The following SREBF1 variants were observed in gnomAD, a reference collection of about 807,000 sequenced individuals.
The protein encoded by SREBF1 is sterol regulatory element-binding protein 1.
In SREBF1, 45 loss-of-function variants were observed where a neutral mutation model predicts 100.1. The observed-to-expected ratio is 0.45, with a 90% CI of 0.35 to 0.58. The LOEUF is 0.58. SREBF1 is among the 20% of genes least tolerant of loss of function. SREBF1 has a pLI of 0.00. For missense variants in SREBF1, 1,324 were observed against 1,539.4 expected (o/e 0.86, Z 2.34); for synonymous variants, 657 against 681.8 (o/e 0.96, Z 0.57).
chr17:17,836,645 G>A, intron 1 of SREBF1, 82 bp downstream of exon 1: 3 of 1,383,130 alleles, frequency 2.2e-6, no homozygotes, highest in Admixed American at 2.0e-5. Flanking sequence ...GCCCGTGGGG[G>A]AGACAAAGGC....
chr17:17,819,267 ATG>A (rs72248634), intron 4 of SREBF1, 33 bp from the exon 5 acceptor site: 323 of 1,514,338 alleles, frequency 2.1e-4, no homozygotes, highest in Non-Finnish European at 1.1e-4. Flanking sequence ...CCAGGTGGGC[ATG>A]TGTGTGTGTG....
Position 17,817,698 on chromosome 17 carries a change from T to C in SREBF1, c.1402A>G (p.Lys468Glu). The change falls in exon 7 of 19, where the codon AAG (lysine) becomes GAG (glutamate). Residue 468 changes from lysine to glutamate, a missense_variant and splice_region_variant. Physicochemically the swap from Lys to Glu is moderately conservative, Grantham distance 56. Coordinates refer to ENST00000261646, the MANE Select transcript of SREBF1 (RefSeq NM_004176.5). This position sits in a 1 kb window ranked among gnomAD's most constrained non-coding sequence, Gnocchi z 6.6. ...EPDSPVFEDS[K>E]AKPEQRPSLH... ...GGGGCACCGTGGCAGGGCCCAACCT[T>C]GCTGTCCTCAAAGACTGGGCTGTCA... 1 of 1,613,070 alleles carries C rather than the reference T, an allele frequency of 6.2e-7. No individual in the cohort carries two copies. Among genetic ancestry groups the C allele is most frequent in the Non-Finnish European group, 8.5e-7 (1 of 1,179,896 alleles).
chr17:17,818,408 G>T (rs1442573525), intron 5 of SREBF1, 34 bp from the exon 6 acceptor site: 1 of 1,558,096 alleles, frequency 6.4e-7, no homozygotes. Context: ...GAGCGCACAG[G>T]TGGCCTGTCA....
chr17:17,817,132 G>A lies in SREBF1; in HGVS notation c.1611C>T (p.Gly537=). The A allele has an allele frequency of 6.2e-7, 1 of 1,613,142 alleles. No individual in the cohort carries two copies. Among genetic ancestry groups the A allele is most frequent in the East Asian group, 2.2e-5 (1 of 44,882 alleles). ...GCAGCAGCCACTGGGCCCAGCCAGG[G>A]CCATCTATGGACAGAGGGAAAGCTG... ...RNVLGTESRD[G]PGWAQWLLPP... Residue 537 remains glycine, a synonymous_variant, in exon 9 of 19, where the codon GGC becomes GGT. Transcript: ENST00000261646. The surrounding 1 kb of genome is among the most constrained non-coding windows in gnomAD (Gnocchi z 6.6).
chr17:17,818,598 AGCT>A, intron 5 of SREBF1: 1 of 584,876 alleles, frequency 1.7e-6, no homozygotes. Context: ...GGGTCTGGCT[AGCT>A]GCTGCTGTGC....
intron 1 of SREBF1, among the ~76,000 whole-genome samples, chr17:17,822,450 C>A (rs2034165234): frequency 6.6e-6 from 1 of 152,260 alleles, no homozygotes; most frequent in Non-Finnish European, 1.5e-5. Context: ...AAAGCAAGTG[C>A]TGTCTGTCCT....
chr17:17,816,248 T>C lies in SREBF1; in HGVS notation c.2173A>G (p.Arg725Gly). The change falls in exon 11 of 19, where the codon AGA (arginine) becomes GGA (glycine). Residue 725 changes from arginine (R) to glycine (G), a missense_variant. By Grantham distance (125) the Arg-to-Gly change is moderately radical (BLOSUM62 -2). Coordinates refer to ENST00000261646, the MANE Select transcript of SREBF1 (RefSeq NM_004176.5). Reference sequence around the variant, plus strand: ...GCCCGTGGGAGACTGGTCTTCACTCTCAATGCAGCCGCCACATAGATCTCG... The same window carrying C: ...GCCCGTGGGAGACTGGTCTTCACTCCCAATGCAGCCGCCACATAGATCTCG... ...LAEIYVAAAL[R>G]VKTSLPRALH... The C allele has an allele frequency of 1.8e-6, 2 of 1,119,372 alleles. No homozygotes were observed. The highest frequency in any genetic ancestry group is 4.1e-5 in the African/African-American group (1 of 24,556). 69.3% of individuals were successfully genotyped at this position (1,119,372 alleles called of 1,614,324 possible). A position where few individuals can be genotyped will look rare whatever the true frequency, so the allele number is the denominator to read the frequency against.
intron 3 of SREBF1, 42 bp from the exon 4 acceptor site, chr17:17,819,496 C>A (rs1227223029): frequency 6.2e-7 from 1 of 1,613,414 alleles, no homozygotes; most frequent in South Asian, 1.1e-5. Context: ...TGTGTCTGGG[C>A]TGGGGCTGCC....
Position 17,811,955 on chromosome 17 carries a change from A to AAGTT in SREBF1, c.*663_*666dup, listed in dbSNP as rs543981369. On this transcript the variant is annotated 3_prime_UTR_variant, in exon 19 of 19. Transcript: ENST00000261646. ...TAACAAACAAACATCGGGAAGAGCT[A>AAGTT]AGTTAAAAGTTGTGTACCTTGTGGC... 5.4e-5 allele frequency: 24 copies of AAGTT among 447,654 alleles called. No individual in the cohort carries two copies. The highest frequency in any genetic ancestry group is 3.3e-4 in the South Asian group (21 of 63,100). The allele number at this position is 447,654 out of a possible 1,614,324, so 27.7% of individuals were successfully genotyped here.
intron 1 of SREBF1, among the ~76,000 whole-genome samples, chr17:17,834,680 G>C (rs1048585331): frequency 6.6e-6 from 1 of 152,146 alleles, no homozygotes; most frequent in African/African-American, 2.4e-5. Context: ...CAGTAAGAAA[G>C]GTCTGTATCA....
In SREBF1 at chr17:17,834,298, C is replaced by T. The variant is rs1223410645; in HGVS notation, c.91+2429G>A. ...TAGAGACAGGATTTTGTCATGTTGC[C>T]CAGGCTGGTCTCAAACTCCTGGACA... On this transcript the variant is annotated intron_variant, in intron 1 of 18. Transcript: ENST00000261646. 2.0e-5 allele frequency among the ~76,000 whole-genome samples: 3 copies of T among 152,100 alleles called. No homozygotes were observed. The East Asian group carries it at 5.8e-4, about 29-fold the overall frequency.
intron 11 of SREBF1, 25 bp downstream of exon 11, chr17:17,816,182 G>GCCCCCCCCCCCCCCCCCCCCCCCCCCCCC: frequency 1.2e-5 from 1 of 81,146 alleles, no homozygotes. Flanking sequence ...GCAGGGATAA[G>GCCCCCCCCCCCCCCCCCCCCCCCCCCCCC]CCCCCAGCCC....
Position 17,820,255 on chromosome 17 carries a change from G to A in SREBF1, c.358C>T (p.Pro120Ser). ...GGCACTGACTCTTCCTTGATACCAG[G>A]CCCAGGGGAGAAAGCGGGCATGGAC... Reference protein sequence around the residue: ...YPSMPAFSPGPGIKEESVPLS... With the variant: ...YPSMPAFSPGSGIKEESVPLS... The change falls in exon 2 of 19, where the codon CCT becomes TCT. Residue 120 changes from proline (P) to serine (S), a missense_variant. Transcript: ENST00000261646. 1 of 1,613,898 alleles carries A rather than the reference G, an allele frequency of 6.2e-7. No individual in the cohort carries two copies. The highest frequency in any genetic ancestry group is 1.3e-5 in the African/African-American group (1 of 75,036).
chr17:17,815,890 C>G lies in SREBF1; in HGVS notation c.2353G>C (p.Glu785Gln). The G allele has an allele frequency of 6.2e-7, 1 of 1,612,968 alleles. No homozygotes were observed. Among genetic ancestry groups the G allele is most frequent in the Non-Finnish European group, 8.5e-7 (1 of 1,179,920 alleles). Reference protein sequence around the residue: ...GDWSVLSTPWESLYSLAGNPV... With the variant: ...GDWSVLSTPWQSLYSLAGNPV... ...TTCCCGGCCAAGCTGTACAGGCTCT[C>G]CCATGGGGTACTGAGCACGGACCAG... The change falls in exon 12 of 19, where the codon GAG (glutamate) becomes CAG (glutamine). Residue 785 changes from glutamate to glutamine, a missense_variant. Transcript: ENST00000261646.
chr17:17,830,675 C>T (rs1465591405), intron 1 of SREBF1, among the ~76,000 whole-genome samples: 3 of 152,192 alleles, frequency 2.0e-5, no homozygotes, highest in African/African-American at 4.8e-5. Flanking sequence ...CCACAAATTC[C>T]CCCTAGGGGG....
At position 17,814,151 on chromosome 17, in the gene SREBF1, T is replaced by C; in HGVS notation, c.2901+94A>G. The C allele has an allele frequency of 2.1e-6, 3 of 1,399,488 alleles. No homozygotes were observed. In the African/African-American group the frequency reaches 4.3e-5, roughly 20 times the overall value. The allele number at this position is 1,399,488 out of a possible 1,614,324, so 86.7% of individuals were successfully genotyped here. ...TCCTGTGCTGCTTGGGCTAACCCCA[T>C]GGTCTTCTGCAGCCCCTGGGGGCTG... On this transcript the variant is annotated intron_variant, in intron 16 of 18. Transcript: ENST00000261646.
Position 17,817,224 on chromosome 17 carries a change from C to T in SREBF1, c.1606+32G>A, listed in dbSNP as rs377273429. The T allele has an allele frequency of 2.7e-4, 429 of 1,608,666 alleles. No individual in the cohort carries two copies. The highest frequency in any genetic ancestry group is 3.4e-4 in the Non-Finnish European group (403 of 1,178,052). ...GCCTGGGGGCTCACCCCGAGTGTCC[C>T]TCCCAAAGATGCCCAGGCTGGCCGG... On this transcript the variant is annotated intron_variant, in intron 8 of 18. Coordinates refer to ENST00000261646, the MANE Select transcript of SREBF1 (RefSeq NM_004176.5). This position sits in a 1 kb window ranked among gnomAD's most constrained non-coding sequence, Gnocchi z 6.6.
chr17:17,827,727 A>C (rs1344325917), intron 1 of SREBF1, among the ~76,000 whole-genome samples: 4 of 152,170 alleles, frequency 2.6e-5, no homozygotes, highest in Non-Finnish European at 5.9e-5. Flanking sequence ...CACAGCTGCC[A>C]TATGAAGAAT....
intron 1 of SREBF1, chr17:17,820,780 C>A (rs1363699972): frequency 5.6e-6 from 3 of 540,162 alleles, no homozygotes; most frequent in Non-Finnish European, 1.0e-5. Flanking sequence ...GTGGGCACCA[C>A]AAGGCTCACA....
Sources: allele counts gnomAD v4.1 joint callset (sites outside exome capture counted in the v4.1 genomes callset), GRCh38; gene constraint gnomAD v4.1.1; non-coding constraint Gnocchi (gnomAD v3.1); transcripts MANE v1.5; gene names NCBI Gene and HGNC (gene_info 2026-07-23, HGNC 2026-07-21).